The following COLGALT2 variants were observed in gnomAD, a reference collection of about 807,000 sequenced individuals.
The protein encoded by COLGALT2 is procollagen galactosyltransferase 2.
Under a neutral mutation model 73.4 loss-of-function variants are expected in COLGALT2, and 49 were observed. The ratio of observed to expected loss-of-function variants is 0.67; its 90% CI spans 0.53 to 0.85. The LOEUF (loss-of-function observed/expected upper bound fraction) is 0.85, where lower values mean the gene tolerates loss of function less well. COLGALT2 is among the 40% of genes least tolerant of loss of function. The pLI is 0.00. For missense variants in COLGALT2, 722 were observed against 790.2 expected (o/e 0.91, Z 1.03); for synonymous variants, 295 against 307.6 (o/e 0.96, Z 0.43).
intron 1 of COLGALT2, among the ~76,000 whole-genome samples, chr1:183,987,238 T>C (rs1437950952): frequency 6.6e-6 from 1 of 152,216 alleles, no homozygotes; most frequent in African/African-American, 2.4e-5. Flanking sequence ...CGTTCTCCTT[T>C]GGCCCTTGTT....
chr1:183,937,657 C>G lies in COLGALT2; in HGVS notation c.*1104G>C, dbSNP rs554001290. On this transcript the variant is annotated 3_prime_UTR_variant, in exon 12 of 12. Coordinates refer to ENST00000361927, the MANE Select transcript of COLGALT2 (RefSeq NM_015101.4). ...GGGAAATTCAGGAGAATCAGATTGC[C>G]GAACCAATGTGTCCACACCCACCAC... The G allele has an allele frequency of 3.0e-6, 3 of 985,392 alleles. No homozygotes were observed. The highest frequency in any genetic ancestry group is 3.6e-6 in the Non-Finnish European group (3 of 829,946). The allele number at this position is 985,392 out of a possible 1,614,324, so 61.0% of individuals were successfully genotyped here.
intron 2 of COLGALT2, 40 bp downstream of exon 2, chr1:183,978,368 AGG>A (rs775374650): frequency 9.3e-7 from 1 of 1,078,984 alleles, no homozygotes; most frequent in Non-Finnish European, 1.4e-6. Flanking sequence ...TTAAAGAGGA[AGG>A]GTAAATAATG....
At chr1:183,999,884 A>T (rs1455787243) in intron 1 of COLGALT2, among the ~76,000 whole-genome samples, 1 of 152,032 alleles carries the variant, frequency 6.6e-6, no homozygotes, top group African/African-American at 2.4e-5. Context: ...ATATTGGATT[A>T]TTAGTCCTCT....
chr1:183,995,585 C>T (rs938096406), intron 1 of COLGALT2, among the ~76,000 whole-genome samples: 1 of 152,186 alleles, frequency 6.6e-6, no homozygotes, highest in South Asian at 2.1e-4. Flanking sequence ...GGCTAGCAAG[C>T]GCTCAAGGGC....
intron 1 of COLGALT2, among the ~76,000 whole-genome samples, chr1:184,005,588 G>C (rs1047930819): frequency 2.0e-5 from 3 of 152,108 alleles, no homozygotes; most frequent in African/African-American, 7.2e-5. Flanking sequence ...GGAACTCTTT[G>C]ACAGGAAGAC....
At chr1:183,987,347 C>T (rs375056290) in intron 1 of COLGALT2, among the ~76,000 whole-genome samples, 14 of 152,166 alleles carry the variant, frequency 9.2e-5, no homozygotes, top group African/African-American at 3.4e-4. Flanking sequence ...TGTGGATGTA[C>T]CCTGAAGACA....
At chr1:183,946,922 T>C (rs1000000445) in intron 8 of COLGALT2, among the ~76,000 whole-genome samples, 1 of 152,106 alleles carries the variant, frequency 6.6e-6, no homozygotes, top group Non-Finnish European at 1.5e-5. Context: ...TCCCAGCTAC[T>C]TGGGAGGCTG....
intron 1 of COLGALT2, among the ~76,000 whole-genome samples, chr1:184,014,085 G>A (rs962081822): frequency 6.6e-6 from 1 of 152,140 alleles, no homozygotes; most frequent in Non-Finnish European, 1.5e-5. Context: ...GTCTTGAGCT[G>A]GAGAGACACC....
chr1:184,012,576 T>C (rs1331354228), intron 1 of COLGALT2, among the ~76,000 whole-genome samples: 3 of 152,216 alleles, frequency 2.0e-5, no homozygotes, highest in African/African-American at 7.2e-5. Flanking sequence ...TTTCAGTGTG[T>C]ACATGGAAAT....
chr1:183,991,879 C>A (rs923531984), intron 1 of COLGALT2, among the ~76,000 whole-genome samples: 1 of 151,144 alleles, frequency 6.6e-6, no homozygotes, highest in African/African-American at 2.4e-5. Flanking sequence ...TTTTCCATTT[C>A]TATTCTGGAA....
At chr1:183,961,078 T>A (rs1028478456) in intron 6 of COLGALT2, among the ~76,000 whole-genome samples, 2 of 152,252 alleles carry the variant, frequency 1.3e-5, no homozygotes, top group African/African-American at 4.8e-5. Context: ...TTCTTCATTA[T>A]ACACCTCAAA....
Position 183,999,897 on chromosome 1 carries a change from G to A in COLGALT2, c.264-21377C>T, listed in dbSNP as rs1671869381. Among the ~76,000 whole-genome samples, 2 of 151,700 alleles carry A rather than the reference G, an allele frequency of 1.3e-5. 1 individual carries two copies. Among genetic ancestry groups the A allele is most frequent in the African/African-American group, 4.8e-5 (2 of 41,364 alleles). On this transcript the variant is annotated intron_variant, in intron 1 of 11. Transcript: ENST00000361927. ...ATATATTGGATTATTAGTCCTCTTT[G>A]ATATCTTCAGTTTCTATTTCATTAA...
intron 8 of COLGALT2, chr1:183,945,861 A>T: frequency 2.8e-6 from 1 of 353,818 alleles, no homozygotes; most frequent in Non-Finnish European, 5.1e-6. Context: ...AATTAGTTAA[A>T]GTACTGCAAT....
intron 1 of COLGALT2, among the ~76,000 whole-genome samples, chr1:184,011,173 C>T (rs956567505): frequency 2.0e-5 from 3 of 152,190 alleles, no homozygotes; most frequent in South Asian, 4.1e-4. Flanking sequence ...TTTCCTCTTT[C>T]TCCTTAGTAC....
At chr1:184,021,471 C>G (rs1649180602) in intron 1 of COLGALT2, among the ~76,000 whole-genome samples, 1 of 151,996 alleles carries the variant, frequency 6.6e-6, no homozygotes, top group Non-Finnish European at 1.5e-5. Context: ...AGAGCGAGTT[C>G]CTTATAAAAG....
At chr1:184,033,304 A>G (rs1437086870) in intron 1 of COLGALT2, among the ~76,000 whole-genome samples, 1 of 152,222 alleles carries the variant, frequency 6.6e-6, no homozygotes, top group Non-Finnish European at 1.5e-5. Context: ...CTACTTGCTC[A>G]TGGTTCCACT....
intron 1 of COLGALT2, among the ~76,000 whole-genome samples, chr1:183,993,444 C>A (rs1431320388): frequency 2.0e-5 from 3 of 152,164 alleles, no homozygotes; most frequent in African/African-American, 7.2e-5. Context: ...TGGGGTGTGT[C>A]TTTTAAGCCA....
At chr1:184,025,299 G>T (rs576010013) in intron 1 of COLGALT2, among the ~76,000 whole-genome samples, 1 of 152,320 alleles carries the variant, frequency 6.6e-6, no homozygotes, top group South Asian at 2.1e-4. Context: ...CAAGACCAGG[G>T]GACAAAGGCA....
rs1418802779 is a variant in COLGALT2 at position 184,001,113 on chromosome 1, G to A, written c.264-22593C>T. Among the ~76,000 whole-genome samples the A allele has an allele frequency of 2.6e-5, 4 of 152,116 alleles. No individual in the cohort carries two copies. In the East Asian group the frequency reaches 5.8e-4, roughly 22 times the overall value. ...CTCCCGAAGTGCTGGGATTACAGGC[G>A]TGAGCCACCACGCCAGGCCTATTTC... On this transcript the variant is annotated intron_variant, in intron 1 of 11. Transcript: ENST00000361927.
Sources: gnomAD v4.1 joint callset for allele counts (sites outside exome capture counted in the v4.1 genomes callset) on GRCh38, gnomAD v4.1.1 for gene constraint, MANE v1.5 for transcripts, NCBI Gene and HGNC (gene_info 2026-07-23, HGNC 2026-07-21) for gene names.